The following ROPN1 variants were observed in gnomAD, a reference collection of about 807,000 sequenced individuals.
ROPN1 encodes the protein rhophilin associated tail protein 1.
ROPN1 carries 14 observed loss-of-function variants against 20.5 expected under a neutral mutation model. That is an observed-to-expected ratio of 0.68 (90% CI 0.45 to 1.07). The LOEUF is 1.07. Among genes scored for constraint, ROPN1 ranks in the 50% least tolerant of loss-of-function variants. ROPN1 has a pLI of 0.00. For missense variants in ROPN1, 169 were observed against 242.8 expected, an observed-to-expected ratio of 0.70 and a Z score of 2.02; for synonymous variants, 76 against 95.7, an observed-to-expected ratio of 0.79 and a Z score of 1.20.
intron 2 of ROPN1, among the ~76,000 whole-genome samples, chr3:123,977,589 G>A (rs1292492968): frequency 6.6e-6 from 1 of 152,218 alleles, no homozygotes; most frequent in Non-Finnish European, 1.5e-5. Flanking sequence ...GTGTCCTGGG[G>A]TGAATCAGGA....
chr3:123,972,470 C>T (rs1410903056), intron 4 of ROPN1, among the ~76,000 whole-genome samples: 1 of 152,206 alleles, frequency 6.6e-6, no homozygotes, highest in Non-Finnish European at 1.5e-5. Context: ...ATATGTCATT[C>T]CTTCCAGTGA....
intron 1 of ROPN1, among the ~76,000 whole-genome samples, chr3:123,982,449 T>C (rs189853642): frequency 1.3e-5 from 2 of 152,256 alleles, no homozygotes; most frequent in African/African-American, 4.8e-5. Context: ...AGGGAGAGGA[T>C]GGAGAGGGAT....
At chr3:123,977,048 T>A (rs1398226177) in intron 2 of ROPN1, 67 bp from the exon 3 acceptor site, 1 of 1,470,546 alleles carries the variant, frequency 6.8e-7, no homozygotes, top group Non-Finnish European at 9.2e-7. Context: ...GTTCTAGCAA[T>A]CCTTCCACCT....
intron 1 of ROPN1, among the ~76,000 whole-genome samples, chr3:123,986,066 G>GA (rs2038247854): frequency 7.2e-6 from 1 of 138,990 alleles, no homozygotes; most frequent in African/African-American, 2.6e-5. Context: ...TATATTTTGT[G>GA]AAAATCTAGA....
rs772579651 is a variant in ROPN1, at chr3:123,969,240, A to C, written c.573-19T>G. ...GCCAATTCTGTTTGGAAAAAGGTAT[A>C]TCTGCAGTTAGTTCATTGACAGTTA... On this transcript the variant is annotated intron_variant, in intron 5 of 5. Coordinates refer to ENST00000405845, the MANE Select transcript of ROPN1 (RefSeq NM_001317774.2). 5 of 1,579,468 alleles carry C rather than the reference A, an allele frequency of 3.2e-6. No homozygotes were observed. The South Asian group carries it at 5.5e-5, about 17-fold the overall frequency.
chr3:123,986,115 C>T (rs886766620), intron 1 of ROPN1, among the ~76,000 whole-genome samples: 15 of 150,020 alleles, frequency 1.0e-4, no homozygotes, highest in African/African-American at 3.7e-4. Context: ...CCAAAATTCC[C>T]CCTTTACTTA....
At chr3:123,990,176 C>G (rs1374650360) in intron 1 of ROPN1, among the ~76,000 whole-genome samples, 2 of 152,112 alleles carry the variant, frequency 1.3e-5, no homozygotes, top group African/African-American at 4.8e-5. Flanking sequence ...TGACAACTCC[C>G]AGGAGCTTCA....
chr3:123,969,887 C>T (rs1322286274), intron 5 of ROPN1, among the ~76,000 whole-genome samples, 155 bp downstream of exon 5: 1 of 152,194 alleles, frequency 6.6e-6, no homozygotes, highest in Non-Finnish European at 1.5e-5. Context: ...TCTTCTCCTT[C>T]CCTTTCCCGT....
intron 1 of ROPN1, among the ~76,000 whole-genome samples, chr3:123,990,837 A>G (rs1161856588): frequency 6.6e-6 from 1 of 152,220 alleles, no homozygotes; most frequent in East Asian, 1.9e-4. Context: ...TGTAGGTCTT[A>G]AAATAGACTA....
Position 123,969,207 on chromosome 3 carries a change from C to CGTAT in ROPN1, c.586_587insATAC (p.Gly196AspfsTer8), listed in dbSNP as rs762123839. On this transcript the variant is annotated frameshift_variant, in exon 6 of 6. Transcript: ENST00000405845. LOFTEE classifies it high-confidence loss of function. ...GGTAAAGTCATTCACTGTGATTATA[C>CGTAT]CATCAGGGCCAATTCTGTTTGGAAA... 6.2e-7 allele frequency: 1 copy of CGTAT among 1,613,696 alleles called. No homozygotes were observed. The highest frequency in any genetic ancestry group is 8.5e-7 in the Non-Finnish European group (1 of 1,179,628).
At chr3:123,991,269 C>A (rs890530138) in intron 1 of ROPN1, 2 of 129,142 alleles carry the variant, frequency 1.5e-5, no homozygotes, top group Admixed American at 1.7e-4. Flanking sequence ...CCACACCATC[C>A]CAGTGCCTAG....
At chr3:123,972,044 A>G (rs2148990422) in intron 4 of ROPN1, among the ~76,000 whole-genome samples, 1 of 152,314 alleles carries the variant, frequency 6.6e-6, no homozygotes, top group African/African-American at 2.4e-5. Context: ...CCAAGGAGAA[A>G]TGCCTCAGAA....
chr3:123,974,087 A>G (rs1231297426), intron 4 of ROPN1, among the ~76,000 whole-genome samples: 1 of 152,160 alleles, frequency 6.6e-6, no homozygotes, highest in Non-Finnish European at 1.5e-5. Context: ...TCAGACTAAA[A>G]TTTCAGGATT....
chr3:123,978,268 G>A (rs2038065885), intron 2 of ROPN1, among the ~76,000 whole-genome samples: 1 of 152,102 alleles, frequency 6.6e-6, no homozygotes, highest in African/African-American at 2.4e-5. Flanking sequence ...GTGTTGGGGT[G>A]GGCGGGGTGT....
At position 123,976,962 on chromosome 3, in the gene ROPN1, G is replaced by C. The variant is rs143261201; in HGVS notation, c.136C>G (p.Arg46Gly). Residue 46 changes from arginine to glycine, a missense_variant, in exon 3 of 6, where the codon CGT becomes GGT. Around this residue, in one of 3 missense-constraint regions of ROPN1, gnomAD observed 84 missense variants for 99.3 expected, o/e 0.85. Transcript: ENST00000405845. ...WAADYFEALSRGETPPVRERS... is the reference protein window; with the variant it reads ...WAADYFEALSGGETPPVRERS... ...TCTCTCACCGGAGGCGTCTCTCCAC[G>C]GGACAGGGCCTCAAAATAACTACAA... The C allele has an allele frequency of 1.2e-6, 2 of 1,613,480 alleles. No homozygotes were observed. The highest frequency in any genetic ancestry group is 2.2e-5 in the South Asian group (2 of 91,000).
At chr3:123,979,616 A>T in intron 2 of ROPN1, 1 of 363,720 alleles carries the variant, frequency 2.7e-6, no homozygotes, top group South Asian at 2.1e-5. Flanking sequence ...AGCTCCATCT[A>T]CTGAGCAGCC....
intron 4 of ROPN1, among the ~76,000 whole-genome samples, chr3:123,971,732 CT>C (rs1313676855): frequency 6.6e-6 from 1 of 152,138 alleles, no homozygotes; most frequent in Non-Finnish European, 1.5e-5. Flanking sequence ...ACAGCTCACC[CT>C]GTTTCTGTAA....
At position 123,969,229 on chromosome 3, in the gene ROPN1, GA is replaced by G; in HGVS notation, c.573-9del. The G allele has an allele frequency of 6.2e-7, 1 of 1,607,150 alleles. No homozygotes were observed. Among genetic ancestry groups the G allele is most frequent in the Non-Finnish European group, 8.5e-7 (1 of 1,174,244 alleles). Reference sequence around the variant, plus strand: ...ATACCATCAGGGCCAATTCTGTTTGGAAAAAGGTATATCTGCAGTTAGTTCA... The same window carrying G: ...ATACCATCAGGGCCAATTCTGTTTGGAAAAGGTATATCTGCAGTTAGTTCA... On this transcript the variant is annotated splice_polypyrimidine_tract_variant and intron_variant, in intron 5 of 5. Transcript: ENST00000405845.
intron 1 of ROPN1, among the ~76,000 whole-genome samples, chr3:123,988,897 G>T (rs1447607666): frequency 6.6e-6 from 1 of 151,886 alleles, no homozygotes; most frequent in Non-Finnish European, 1.5e-5. Flanking sequence ...GCCTGCACTA[G>T]ATATAGAAGA....
Sources: gnomAD v4.1 joint callset for allele counts (sites outside exome capture counted in the v4.1 genomes callset) on GRCh38, gnomAD v4.1.1 for gene constraint, gnomAD v4.1.1 regional missense constraint, MANE v1.5 for transcripts, NCBI Gene and HGNC (gene_info 2026-07-23, HGNC 2026-07-21) for gene names.